The following MEF2A variants were observed in gnomAD, a reference collection of about 807,000 sequenced individuals.
MEF2A encodes the protein myocyte enhancer factor 2A, also known as myocyte-specific enhancer factor 2A.
Under a neutral mutation model 55.8 loss-of-function variants are expected in MEF2A, and 28 were observed. That is an observed-to-expected ratio of 0.50 (90% CI 0.37 to 0.69). The LOEUF (loss-of-function observed/expected upper bound fraction) is 0.69, where lower values mean the gene tolerates loss of function less well. Ranked by LOEUF, MEF2A falls within the 30% of genes least tolerant of loss-of-function variation. MEF2A has a pLI of 0.00. For synonymous variants in MEF2A, 239 were observed against 227.1 expected (o/e 1.05, Z -0.47); for missense variants, 528 against 626.2 (o/e 0.84, Z 1.67).
At chr15:99,704,058 A>T (rs1365375633) in intron 9 of MEF2A, among the ~76,000 whole-genome samples, 1 of 152,220 alleles carries the variant, frequency 6.6e-6, no homozygotes, top group Non-Finnish European at 1.5e-5. Context: ...CTTCTTTAGG[A>T]ACTAAAACCA....
At chr15:99,698,128 AGAG>A (rs2056785872) in intron 8 of MEF2A, among the ~76,000 whole-genome samples, 1 of 152,248 alleles carries the variant, frequency 6.6e-6, no homozygotes, top group South Asian at 2.1e-4. Flanking sequence ...ACTGAAATTT[AGAG>A]GAGAAAATCC....
intron 1 of MEF2A, among the ~76,000 whole-genome samples, chr15:99,592,193 G>T (rs1969531792): frequency 6.6e-6 from 1 of 152,108 alleles, no homozygotes; most frequent in South Asian, 2.1e-4. Context: ...GACTAGGTTA[G>T]CACGCGGCGG....
chr15:99,708,987 G>C (rs1239443496), intron 10 of MEF2A, among the ~76,000 whole-genome samples: 1 of 152,216 alleles, frequency 6.6e-6, no homozygotes, highest in Non-Finnish European at 1.5e-5. Context: ...TGTCCGGAGA[G>C]CATTGGGGAG....
At chr15:99,708,994 G>A (rs893511461) in intron 10 of MEF2A, among the ~76,000 whole-genome samples, 2 of 152,146 alleles carry the variant, frequency 1.3e-5, no homozygotes, top group African/African-American at 4.8e-5. Flanking sequence ...AGAGCATTGG[G>A]GAGCCATAAA....
At chr15:99,673,958 A>G (rs1007420484) in intron 5 of MEF2A, among the ~76,000 whole-genome samples, 1 of 152,090 alleles carries the variant, frequency 6.6e-6, no homozygotes. Context: ...AGTTAATAAT[A>G]TGTGTACACA....
intron 4 of MEF2A, among the ~76,000 whole-genome samples, chr15:99,648,264 A>G (rs2046303803): frequency 6.6e-6 from 1 of 152,148 alleles, no homozygotes; most frequent in African/African-American, 2.4e-5. Context: ...TACTCATTTG[A>G]CAAAGATTTG....
intron 4 of MEF2A, among the ~76,000 whole-genome samples, chr15:99,665,170 G>A (rs191091996): frequency 2.8e-4 from 42 of 152,284 alleles, no homozygotes; most frequent in Non-Finnish European, 7.4e-5. Flanking sequence ...CAAAGAAACG[G>A]AAGTGGATGT....
intron 2 of MEF2A, among the ~76,000 whole-genome samples, chr15:99,630,102 T>C (rs1273025201): frequency 1.3e-5 from 2 of 151,864 alleles, no homozygotes; most frequent in Non-Finnish European, 2.9e-5. Flanking sequence ...GCTTGAGGAT[T>C]GATAGAGCTT....
chr15:99,622,203 A>G (rs775936698), intron 2 of MEF2A, among the ~76,000 whole-genome samples: 4 of 152,092 alleles, frequency 2.6e-5, no homozygotes, highest in African/African-American at 7.2e-5. Flanking sequence ...AACATGACAC[A>G]TTTTTTTCAG....
chr15:99,678,073 C>A (rs2052468230), intron 7 of MEF2A, among the ~76,000 whole-genome samples: 1 of 152,122 alleles, frequency 6.6e-6, no homozygotes. Flanking sequence ...AAAACAAATA[C>A]TGATTATTTA....
chr15:99,693,110 G>GT (rs1349767598), intron 8 of MEF2A, among the ~76,000 whole-genome samples: 1 of 152,150 alleles, frequency 6.6e-6, no homozygotes, highest in Non-Finnish European at 1.5e-5. Flanking sequence ...CAGAGCAACA[G>GT]TAAGGCTCAA....
chr15:99,646,642 G>A (rs1281750892), intron 4 of MEF2A, among the ~76,000 whole-genome samples: 1 of 151,946 alleles, frequency 6.6e-6, no homozygotes, highest in Non-Finnish European at 1.5e-5. Flanking sequence ...AAGAACAAAT[G>A]GAGTCCTAAT....
At chr15:99,613,272 TGTTTTAG>T (rs1417850610) in intron 2 of MEF2A, among the ~76,000 whole-genome samples, 1 of 152,222 alleles carries the variant, frequency 6.6e-6, no homozygotes, top group East Asian at 1.9e-4. Flanking sequence ...GCAGAGTATA[TGTTTTAG>T]TTCCTCAGTT....
intron 1 of MEF2A, among the ~76,000 whole-genome samples, chr15:99,582,814 T>C (rs1966316200): frequency 6.6e-6 from 1 of 152,138 alleles, no homozygotes; most frequent in Non-Finnish European, 1.5e-5. Context: ...TGCACTCCCT[T>C]GACTTTTATA....
chr15:99,676,248 A>G (rs763678228), intron 7 of MEF2A, among the ~76,000 whole-genome samples: 1 of 152,226 alleles, frequency 6.6e-6, no homozygotes, highest in Non-Finnish European at 1.5e-5. Flanking sequence ...ACTTAACAGA[A>G]AACAATTAAA....
intron 7 of MEF2A, among the ~76,000 whole-genome samples, chr15:99,685,872 A>C (rs1366353997): frequency 6.6e-6 from 1 of 152,184 alleles, no homozygotes; most frequent in African/African-American, 2.4e-5. Context: ...TTGGAATGGT[A>C]AAATAAGATT....
At chr15:99,567,449 A>T (rs1219282580) in intron 1 of MEF2A, among the ~76,000 whole-genome samples, 1 of 152,222 alleles carries the variant, frequency 6.6e-6, no homozygotes, top group Non-Finnish European at 1.5e-5. Context: ...GGCAACTGCT[A>T]AGTACTCTAG....
At chr15:99,650,982 C>T (rs2046758493) in intron 4 of MEF2A, among the ~76,000 whole-genome samples, 1 of 152,130 alleles carries the variant, frequency 6.6e-6, no homozygotes, top group Non-Finnish European at 1.5e-5. Flanking sequence ...GAGTGGTTAT[C>T]CAGCTTTTTA....
intron 1 of MEF2A, among the ~76,000 whole-genome samples, chr15:99,575,309 A>G (rs1963920046): frequency 6.6e-6 from 1 of 152,150 alleles, no homozygotes; most frequent in Non-Finnish European, 1.5e-5. Context: ...TTTTAATTAT[A>G]TCCCTTGTAT....
Sources: allele counts gnomAD v4.1 joint callset (sites outside exome capture counted in the v4.1 genomes callset), GRCh38; gene constraint gnomAD v4.1.1; transcripts MANE v1.5; gene names NCBI Gene and HGNC (gene_info 2026-07-23, HGNC 2026-07-21).